FOXJ2: variants seen among roughly 807,000 people sequenced by gnomAD.
The protein encoded by FOXJ2 is forkhead box protein J2.
FOXJ2 carries 18 observed loss-of-function variants against 68.4 expected under a neutral mutation model. That is an observed-to-expected ratio of 0.26 (90% CI 0.18 to 0.39). FOXJ2 has a LOEUF of 0.39. Ranked by LOEUF, FOXJ2 falls within the 10% of genes least tolerant of loss-of-function variation. The pLI is 1.00. For missense variants in FOXJ2, 670 were observed against 726.5 expected (o/e 0.92, Z 0.89); for synonymous variants, 274 against 263.2 (o/e 1.04, Z -0.40).
chr12:8,049,629 G>A (rs1276846266), intron 9 of FOXJ2, 58 bp downstream of exon 9: 2 of 1,460,266 alleles, frequency 1.4e-6, no homozygotes, highest in Non-Finnish European at 1.8e-6. Context: ...GGAAGCATAG[G>A]AGAAAGGCAA....
At chr12:8,050,834 TCC>T (rs1947107221) in intron 10 of FOXJ2, among the ~76,000 whole-genome samples, 1 of 46,686 alleles carries the variant, frequency 2.1e-5, no homozygotes. Context: ...TCCCTTCCCC[TCC>T]CTTCCTTTCC....
rs1289902696 is a variant in FOXJ2 at position 8,035,812 on chromosome 12, T to TC, written c.-15+1984dup. On this transcript the variant is annotated intron_variant, in intron 1 of 10. Transcript: ENST00000162391. This position sits in a 1 kb window ranked among gnomAD's most constrained non-coding sequence, Gnocchi z 4.0. ...ACCATGTCTTATGACTACACCTAGT[T>TC]CCCCCGGGAAGATAAGAGATGATAG... Among the ~76,000 whole-genome samples, 3 of 152,156 alleles carry TC rather than the reference T, an allele frequency of 2.0e-5. No individual in the cohort carries two copies. The East Asian group carries it at 5.8e-4, about 29-fold the overall frequency.
chr12:8,042,384 T>C (rs773308151), intron 2 of FOXJ2, among the ~76,000 whole-genome samples: 3 of 152,240 alleles, frequency 2.0e-5, no homozygotes, highest in Non-Finnish European at 4.4e-5. Context: ...CTGGAAAGAT[T>C]GAAAAACTAT....
In FOXJ2 at chr12:8,044,022, C is replaced by A; in HGVS notation, c.549C>A (p.Ala183=). Residue 183 remains alanine (A), a synonymous_variant, in exon 5 of 11, where the codon GCC becomes GCA. Transcript: ENST00000162391. ...PRGGVAGSGE[A]SLPPEGNPQM... is the part of the protein sequence containing the mutation. The stretch of plus-strand genomic sequence containing the variant: ...GAGGCGTTGCAGGGAGTGGAGAAGC[C>A]TCACTGCCTCCTGAGGGGAATCCGC... 1 of 1,589,756 alleles carries A rather than the reference C, an allele frequency of 6.3e-7. No homozygotes were observed. The highest frequency in any genetic ancestry group is 8.6e-7 in the Non-Finnish European group (1 of 1,169,384).
In FOXJ2 at chr12:8,038,493, C is replaced by T. The variant is rs1182334996; in HGVS notation, c.-14-1326C>T. Among the ~76,000 whole-genome samples, 1 of 152,170 alleles carries T rather than the reference C, an allele frequency of 6.6e-6. No homozygotes were observed. The highest frequency in any genetic ancestry group is 2.4e-5 in the African/African-American group (1 of 41,436). ...ATTCTGAACTTTGAGGCAATCTAGTCCTGGCTCCTCAGGAGAAGTGCCCTG... is the reference window on the plus strand; with the variant it reads ...ATTCTGAACTTTGAGGCAATCTAGTTCTGGCTCCTCAGGAGAAGTGCCCTG... On this transcript the variant is annotated intron_variant, in intron 1 of 10. Coordinates refer to ENST00000162391, the MANE Select transcript of FOXJ2 (RefSeq NM_018416.3). This position sits in a 1 kb window ranked among gnomAD's most constrained non-coding sequence, Gnocchi z 5.3.
chr12:8,044,086 A>C lies in FOXJ2; in HGVS notation c.613A>C (p.Ser205Arg). 2.0e-6 allele frequency: 3 copies of C among 1,534,364 alleles called. No homozygotes were observed. The highest frequency in any genetic ancestry group is 2.6e-6 in the Non-Finnish European group (3 of 1,143,736). Residue 205 changes from serine (S) to arginine (R), a missense_variant, in exon 5 of 11, where the codon AGC (serine) becomes CGC (arginine). By Grantham distance (110) the Ser-to-Arg change is moderately radical (BLOSUM62 -1). Coordinates refer to ENST00000162391, the MANE Select transcript of FOXJ2 (RefSeq NM_018416.3). Reference sequence around the variant, plus strand: ...GAGCCCCACATCTATAGCCAGCTACAGCCAGGTAGGAAGCAGATATGGCAG... The same window carrying C: ...GAGCCCCACATCTATAGCCAGCTACCGCCAGGTAGGAAGCAGATATGGCAG... ...LQSPTSIASYSQGTGSVDGGA... is the reference protein window; with the variant it reads ...LQSPTSIASYRQGTGSVDGGA...
In FOXJ2 at chr12:8,047,561, C is replaced by G. The variant is rs117653464; in HGVS notation, c.818-321C>G. 8.9e-3 allele frequency among the ~76,000 whole-genome samples: 1,343 copies of G among 150,530 alleles called. 10 individuals are homozygous for G. Among genetic ancestry groups the G allele is most frequent in the Non-Finnish European group, 0.014 (931 of 67,550 alleles). On this transcript the variant is annotated intron_variant, in intron 6 of 10. Coordinates refer to ENST00000162391, the MANE Select transcript of FOXJ2 (RefSeq NM_018416.3). The stretch of plus-strand genomic sequence containing the variant: ...ACACTAGATGACCAGGGATGGTTTC[C>G]TTTTTAAAGTTCACCTGCTGGGAAA...
rs1947001463 is a variant in FOXJ2, at chr12:8,043,931, T to C, written c.478-20T>C. 2 of 1,544,466 alleles carry C rather than the reference T, an allele frequency of 1.3e-6. No homozygotes were observed. The highest frequency in any genetic ancestry group is 2.1e-5 in the Admixed American group (1 of 46,964). ...TATTGCGCCTCTGCTTATAGATTTCTTTTTTTTCACAACCCTCAGCTGTCC... is the reference window on the plus strand; with the variant it reads ...TATTGCGCCTCTGCTTATAGATTTCCTTTTTTTCACAACCCTCAGCTGTCC... On this transcript the variant is annotated intron_variant, in intron 4 of 10. Coordinates refer to ENST00000162391, the MANE Select transcript of FOXJ2 (RefSeq NM_018416.3).
Position 8,032,721 on chromosome 12 carries a change from G to GGGGCC in FOXJ2, c.-1126_-1125insGGCCG, listed in dbSNP as rs1946850393. 2 of 391,136 alleles carry GGGGCC rather than the reference G, an allele frequency of 5.1e-6. No homozygotes were observed. The highest frequency in any genetic ancestry group is 4.2e-5 in the African/African-American group (2 of 48,124). 24.2% of individuals were successfully genotyped at this position (391,136 alleles called of 1,614,324 possible). A position where few individuals can be genotyped will look rare whatever the true frequency, so the allele number is the denominator to read the frequency against. On this transcript the variant is annotated 5_prime_UTR_variant, in exon 1 of 11. Coordinates refer to ENST00000162391, the MANE Select transcript of FOXJ2 (RefSeq NM_018416.3). The surrounding 1 kb of genome is among the most constrained non-coding windows in gnomAD (Gnocchi z 4.8). ...CCGGGGAGGAGCCGGGGCCTGCAGC[G>GGGGCC]GAGCCGAGCCGAGCCCGAGCCCGCG...
intron 3 of FOXJ2, among the ~76,000 whole-genome samples, chr12:8,043,177 A>T (rs1946986979): frequency 7.5e-6 from 1 of 133,764 alleles, no homozygotes; most frequent in Admixed American, 8.1e-5. Flanking sequence ...AGATTGTGCC[A>T]TTGCACTCCA....
rs1483858525 is a variant in FOXJ2, at chr12:8,039,663, A to G, written c.-14-156A>G. 2.0e-5 allele frequency among the ~76,000 whole-genome samples: 3 copies of G among 152,206 alleles called. No individual in the cohort carries two copies. The East Asian group carries it at 5.8e-4, about 29-fold the overall frequency. On this transcript the variant is annotated intron_variant, in intron 1 of 10. Transcript: ENST00000162391. The stretch of plus-strand genomic sequence containing the variant: ...ACTAGCAGTCCATCATCTGGTAGAT[A>G]GATCTGCTTGGGGATTCTGGGAACA...
rs750962300 is a variant in FOXJ2, at chr12:8,033,200, C to T, written c.-648C>T. 11 of 252,518 alleles carry T rather than the reference C, an allele frequency of 4.4e-5. No individual in the cohort carries two copies. The highest frequency in any genetic ancestry group is 2.2e-4 in the African/African-American group (10 of 44,976). The allele number at this position is 252,518 out of a possible 1,614,324, so 15.6% of individuals were successfully genotyped here. On this transcript the variant is annotated 5_prime_UTR_variant, in exon 1 of 11. Transcript: ENST00000162391. ...TTTCCGTAGGGAAGCAGAGTGAGAC[C>T]ACCCTAGCGCGCCCCCGCCCCTCCA...
In FOXJ2 at chr12:8,033,172, A is replaced by G. The variant is rs1169512499; in HGVS notation, c.-676A>G. The G allele has an allele frequency of 6.6e-6, 2 of 301,338 alleles. No homozygotes were observed. The highest frequency in any genetic ancestry group is 1.1e-4 in the East Asian group (2 of 18,884). The allele number at this position is 301,338 out of a possible 1,614,324, so 18.7% of individuals were successfully genotyped here. ...AGACCCCCAGAAGTGGAAAGAAGGGAGCTTTCCGTAGGGAAGCAGAGTGAG... is the reference window on the plus strand; with the variant it reads ...AGACCCCCAGAAGTGGAAAGAAGGGGGCTTTCCGTAGGGAAGCAGAGTGAG... On this transcript the variant is annotated 5_prime_UTR_variant, in exon 1 of 11. Coordinates refer to ENST00000162391, the MANE Select transcript of FOXJ2 (RefSeq NM_018416.3).
In FOXJ2 at chr12:8,035,330, C is replaced by T. The variant is rs1240699893; in HGVS notation, c.-15+1497C>T. Reference sequence around the variant, plus strand: ...ATGGATAGGTGGTGGTAAGGATGGCCACCTGAGGGGAAAGGCTTGGCCTCC... The same window carrying T: ...ATGGATAGGTGGTGGTAAGGATGGCTACCTGAGGGGAAAGGCTTGGCCTCC... On this transcript the variant is annotated intron_variant, in intron 1 of 10. Coordinates refer to ENST00000162391, the MANE Select transcript of FOXJ2 (RefSeq NM_018416.3). This position sits in a 1 kb window ranked among gnomAD's most constrained non-coding sequence, Gnocchi z 4.0. Among the ~76,000 whole-genome samples, 3 of 152,078 alleles carry T rather than the reference C, an allele frequency of 2.0e-5. No homozygotes were observed. Among genetic ancestry groups the T allele is most frequent in the Admixed American group, 2.0e-4 (3 of 15,262 alleles).
chr12:8,041,621 C>T (rs896492684), intron 2 of FOXJ2, among the ~76,000 whole-genome samples: 1 of 151,984 alleles, frequency 6.6e-6, no homozygotes, highest in African/African-American at 2.4e-5. Flanking sequence ...AGCAATCCTT[C>T]CACCTAAGCC....
Position 8,044,035 on chromosome 12 carries a change from G to A in FOXJ2, c.562G>A (p.Glu188Lys). 1 of 1,585,272 alleles carries A rather than the reference G, an allele frequency of 6.3e-7. No homozygotes were observed. Among genetic ancestry groups the A allele is most frequent in the Non-Finnish European group, 8.6e-7 (1 of 1,168,080 alleles). ...AGSGEASLPP[E>K]GNPQMSLQSP... ...GAGTGGAGAAGCCTCACTGCCTCCT[G>A]AGGGGAATCCGCAGATGTCACTTCA... Residue 188 changes from glutamate (E) to lysine (K), a missense_variant, in exon 5 of 11, where the codon GAG becomes AAG. Transcript: ENST00000162391.
At chr12:8,048,525 G>T (rs79927542) in intron 7 of FOXJ2, among the ~76,000 whole-genome samples, 172 bp from the exon 8 acceptor site, 2,787 of 152,346 alleles carry the variant, frequency 0.018, 40 homozygotes, top group Middle Eastern at 0.051. Flanking sequence ...TACTTAAAGC[G>T]TAGCTAGCTT....
Position 8,040,078 on chromosome 12 carries a change from T to C in FOXJ2, c.246T>C (p.Ser82=). Residue 82 remains serine (S), a synonymous_variant, in exon 2 of 11, where the codon TCT becomes TCC. Coordinates refer to ENST00000162391, the MANE Select transcript of FOXJ2 (RefSeq NM_018416.3). This position sits in a 1 kb window ranked among gnomAD's most constrained non-coding sequence, Gnocchi z 4.0. ...TCATCACCTATGCCATCAACTCCTC[T>C]CCAGCCAAGAAGATGACCCTCAGCG... is the stretch of plus-strand genomic sequence containing the variant. ...ATLITYAINS[S]PAKKMTLSEI... 1 of 1,614,162 alleles carries C rather than the reference T, an allele frequency of 6.2e-7. No individual in the cohort carries two copies. The highest frequency in any genetic ancestry group is 8.5e-7 in the Non-Finnish European group (1 of 1,180,034).
intron 3 of FOXJ2, among the ~76,000 whole-genome samples, chr12:8,043,217 C>CAA (rs11423157): frequency 0.35 from 20,166 of 57,730 alleles, 2,909 homozygotes; most frequent in Non-Finnish European, 0.46. Context: ...AACTCCATCT[C>CAA]AAAAAAAAAA....
Sources: gnomAD v4.1 joint callset for allele counts (sites outside exome capture counted in the v4.1 genomes callset) on GRCh38, gnomAD v4.1.1 for gene constraint, Gnocchi (gnomAD v3.1) non-coding constraint, MANE v1.5 for transcripts, NCBI Gene and HGNC (gene_info 2026-07-23, HGNC 2026-07-21) for gene names.